The following CAP2 variants were observed in gnomAD, a reference collection of about 807,000 sequenced individuals.
The protein encoded by CAP2 is cyclase associated actin cytoskeleton regulatory protein 2, also known as adenylyl cyclase-associated protein 2.
In CAP2, 24 loss-of-function variants were observed where a neutral mutation model predicts 57.7. The observed-to-expected ratio is 0.42, with a 90% confidence interval of 0.30 to 0.58. The LOEUF (loss-of-function observed/expected upper bound fraction) is 0.58. Among genes scored for constraint, CAP2 ranks in the 20% least tolerant of loss-of-function variants. CAP2 has a pLI of 0.22. For synonymous variants in CAP2, 194 were observed against 207.2 expected (o/e 0.94, Z 0.55); for missense variants, 501 against 590.3 (o/e 0.85, Z 1.57).
At chr6:17,442,557 G>A (rs1475558966) in intron 3 of CAP2, among the ~76,000 whole-genome samples, 2 of 152,142 alleles carry the variant, frequency 1.3e-5, no homozygotes, top group African/African-American at 2.4e-5. Flanking sequence ...CTGTGGAAAT[G>A]CATGGCATGT....
chr6:17,433,371 C>T (rs190021708), intron 3 of CAP2, among the ~76,000 whole-genome samples: 1 of 152,354 alleles, frequency 6.6e-6, no homozygotes, highest in Admixed American at 6.5e-5. Flanking sequence ...TCTGTGCTTT[C>T]AGGTCCTACA....
intron 4 of CAP2, among the ~76,000 whole-genome samples, chr6:17,470,938 A>G (rs1250665144): frequency 6.6e-6 from 1 of 152,236 alleles, no homozygotes; most frequent in Admixed American, 6.5e-5. Context: ...GCACTTGGGT[A>G]TAAATAGATG....
intron 3 of CAP2, among the ~76,000 whole-genome samples, chr6:17,435,727 AAAAAAC>A (rs1488359181): frequency 0.015 from 2,251 of 146,390 alleles, 60 homozygotes; most frequent in African/African-American, 0.053. Context: ...TAAAAAAAAA[AAAAAAC>A]AAAAAAAAAA....
chr6:17,540,901 A>G (rs1277104617), intron 8 of CAP2, 72 bp from the exon 9 acceptor site: 3 of 1,414,298 alleles, frequency 2.1e-6, no homozygotes, highest in Non-Finnish European at 2.9e-6. Context: ...TATTTACATC[A>G]TGTTGATCTA....
intron 6 of CAP2, among the ~76,000 whole-genome samples, chr6:17,510,120 TTTTAAGTTTTTAG>T (rs550115080): frequency 1.9e-3 from 287 of 152,256 alleles, no homozygotes; most frequent in Middle Eastern, 0.017. Context: ...TTAAGTTTTT[TTTTAAGTTTTTAG>T]TTTAAGTTTT....
At chr6:17,441,774 G>A (rs928960221) in intron 3 of CAP2, among the ~76,000 whole-genome samples, 3 of 152,094 alleles carry the variant, frequency 2.0e-5, no homozygotes, top group South Asian at 2.1e-4. Context: ...AGCGAGCCAC[G>A]GTGCCTGGCC....
chr6:17,507,575 A>C, intron 5 of CAP2, 66 bp from the exon 6 acceptor site: 1 of 996,332 alleles, frequency 1.0e-6, no homozygotes. Context: ...TTCTTCTTTA[A>C]GGCATTTTCT....
At chr6:17,508,759 T>TC (rs1762056152) in intron 6 of CAP2, among the ~76,000 whole-genome samples, 1 of 151,394 alleles carries the variant, frequency 6.6e-6, no homozygotes, top group Admixed American at 6.6e-5. Context: ...CACCTTCTTT[T>TC]TTTTTTTTTG....
At chr6:17,468,586 A>G (rs1201841666) in intron 4 of CAP2, among the ~76,000 whole-genome samples, 3 of 152,240 alleles carry the variant, frequency 2.0e-5, no homozygotes, top group South Asian at 4.1e-4. Flanking sequence ...TTTGCAAAGC[A>G]TCTCAGCTTT....
At position 17,543,985 on chromosome 6, in the gene CAP2, TG is replaced by T. The variant is rs1196665482; in HGVS notation, c.1209+846del. 4.6e-5 allele frequency among the ~76,000 whole-genome samples: 7 copies of T among 150,956 alleles called. No individual in the cohort carries two copies. The East Asian group carries it at 1.4e-3, about 29-fold the overall frequency. ...ATTGAAAACACAAAAATTAGCCGGG[TG>T]GGGTGGTGGGTGCCTGTAATCCCAG... is the stretch of plus-strand genomic sequence containing the variant. On this transcript the variant is annotated intron_variant, in intron 11 of 12. Transcript: ENST00000229922.
intron 3 of CAP2, among the ~76,000 whole-genome samples, chr6:17,432,580 A>G (rs1250590974): frequency 6.6e-6 from 1 of 152,214 alleles, no homozygotes; most frequent in Non-Finnish European, 1.5e-5. Context: ...ACTTGCATCA[A>G]GAATTCTGCC....
chr6:17,552,858 A>G (rs2113712987), intron 12 of CAP2, among the ~76,000 whole-genome samples: 1 of 152,250 alleles, frequency 6.6e-6, no homozygotes, highest in African/African-American at 2.4e-5. Context: ...TCCCTTCCCC[A>G]CCTGGCAGTA....
Position 17,533,456 on chromosome 6 carries a change from T to G in CAP2, c.637-5813T>G, listed in dbSNP as rs185313336. 2.0e-5 allele frequency among the ~76,000 whole-genome samples: 3 copies of G among 152,290 alleles called. No homozygotes were observed. In the East Asian group the frequency reaches 5.8e-4, roughly 29 times the overall value. On this transcript the variant is annotated intron_variant, in intron 7 of 12. Transcript: ENST00000229922. The stretch of plus-strand genomic sequence containing the variant: ...ATTGAATATCTGCTCTCAAAATTAA[T>G]CTTAATAGACCTTAAATGCAGCATT...
At chr6:17,498,667 C>A (rs903950285) in intron 4 of CAP2, among the ~76,000 whole-genome samples, 1 of 152,072 alleles carries the variant, frequency 6.6e-6, no homozygotes, top group African/African-American at 2.4e-5. Flanking sequence ...GGGAGCCTGT[C>A]ATCATTATTA....
intron 11 of CAP2, among the ~76,000 whole-genome samples, chr6:17,549,262 G>A (rs1257724348): frequency 2.0e-5 from 3 of 152,138 alleles, no homozygotes; most frequent in Non-Finnish European, 4.4e-5. Context: ...TCGGGAGTTC[G>A]AGACCAGCCT....
intron 3 of CAP2, among the ~76,000 whole-genome samples, chr6:17,455,283 GAA>G (rs59215413): frequency 8.7e-4 from 128 of 147,818 alleles, no homozygotes; most frequent in Middle Eastern, 3.5e-3. Context: ...TACTGGTAAG[GAA>G]AAAAAAAAAA....
intron 4 of CAP2, among the ~76,000 whole-genome samples, chr6:17,493,953 C>G (rs1761605001): frequency 6.6e-6 from 1 of 152,104 alleles, no homozygotes; most frequent in South Asian, 2.1e-4. Context: ...GATGGCGACT[C>G]CATCCTTCTA....
chr6:17,488,348 A>G lies in CAP2; in HGVS notation c.301-18821A>G, dbSNP rs958791664. On this transcript the variant is annotated intron_variant, in intron 4 of 12. Transcript: ENST00000229922. Reference sequence around the variant, plus strand: ...TCTCATCCATAAGTAATAAGCAAACACCTCCCTTCTGGATTGTCCTACCTG... The same window carrying G: ...TCTCATCCATAAGTAATAAGCAAACGCCTCCCTTCTGGATTGTCCTACCTG... Among the ~76,000 whole-genome samples the G allele has an allele frequency of 3.9e-5, 6 of 151,952 alleles. No homozygotes were observed. In the East Asian group the frequency reaches 1.2e-3, roughly 29 times the overall value.
At chr6:17,408,968 C>A (rs577489908) in intron 1 of CAP2, among the ~76,000 whole-genome samples, 8 of 151,842 alleles carry the variant, frequency 5.3e-5, no homozygotes, top group African/African-American at 1.4e-4. Flanking sequence ...CACGCTCAGC[C>A]CTATGATGAT....
Sources: gnomAD v4.1 joint callset for allele counts (sites outside exome capture counted in the v4.1 genomes callset) on GRCh38, gnomAD v4.1.1 for gene constraint, MANE v1.5 for transcripts, NCBI Gene and HGNC (gene_info 2026-07-23, HGNC 2026-07-21) for gene names.